The following NADK2 variants were observed in gnomAD, a reference collection of about 807,000 sequenced individuals.
The protein encoded by NADK2 is NAD kinase 2, mitochondrial, also known as NAD kinase domain-containing protein 1, mitochondrial.
In NADK2, 35 loss-of-function variants were observed where a neutral mutation model predicts 62.1. The ratio of observed to expected loss-of-function variants is 0.56; its 90% confidence interval spans 0.43 to 0.75. The LOEUF (loss-of-function observed/expected upper bound fraction) is 0.75. Among genes scored for constraint, NADK2 ranks in the 30% least tolerant of loss-of-function variants. The probability of loss-of-function intolerance (pLI) is 0.00; values close to 1 mark genes in which losing one functional copy is unlikely to be tolerated. For synonymous variants in NADK2, 205 were observed against 207.9 expected (o/e 0.99, Z 0.12); for missense variants, 439 against 561.3 (o/e 0.78, Z 2.20).
At chr5:36,211,991 T>C in intron 6 of NADK2, 69 bp from the exon 7 acceptor site, 1 of 1,118,920 alleles carries the variant, frequency 8.9e-7, no homozygotes, top group Non-Finnish European at 1.3e-6. Flanking sequence ...ATAAAAATTT[T>C]ATAAAACACT....
intron 4 of NADK2, among the ~76,000 whole-genome samples, chr5:36,224,449 C>G (rs1747399605): frequency 1.3e-5 from 2 of 150,996 alleles, no homozygotes; most frequent in Admixed American, 6.6e-5. Flanking sequence ...CCCAGCCACT[C>G]AGGAGGCTGA....
chr5:36,195,081 G>GTA lies in NADK2; in HGVS notation c.*61_*62dup. ...ACCAAAAAATGTCACTTTACGACTG[G>GTA]TAGTCTGTTTCTGAAGTAAAAATAT... On this transcript the variant is annotated 3_prime_UTR_variant, in exon 12 of 12. Transcript: ENST00000381937. 1 of 1,541,200 alleles carries GTA rather than the reference G, an allele frequency of 6.5e-7. No homozygotes were observed. Among genetic ancestry groups the GTA allele is most frequent in the Non-Finnish European group, 8.7e-7 (1 of 1,143,332 alleles).
chr5:36,236,494 C>T (rs1747912596), intron 1 of NADK2, among the ~76,000 whole-genome samples: 1 of 152,116 alleles, frequency 6.6e-6, no homozygotes, highest in South Asian at 2.1e-4. Context: ...TCAAAGAATC[C>T]AAAGCTTAAG....
intron 2 of NADK2, 65 bp from the exon 3 acceptor site, chr5:36,226,628 TTC>T: frequency 1.8e-6 from 2 of 1,115,256 alleles, no homozygotes; most frequent in East Asian, 4.7e-5. Flanking sequence ...GGGGTATGTT[TTC>T]TGAGAGGCAG....
intron 8 of NADK2, among the ~76,000 whole-genome samples, chr5:36,201,425 A>G (rs935331438): frequency 6.6e-6 from 1 of 152,006 alleles, no homozygotes; most frequent in Non-Finnish European, 1.5e-5. Context: ...CAATCTAGTA[A>G]TTTAACCTAA....
chr5:36,227,741 A>T (rs911727279), intron 1 of NADK2, among the ~76,000 whole-genome samples, 176 bp from the exon 2 acceptor site: 1 of 152,144 alleles, frequency 6.6e-6, no homozygotes, highest in African/African-American at 2.4e-5. Flanking sequence ...AGAAAATTAT[A>T]ATTTGGCTTT....
intron 5 of NADK2, among the ~76,000 whole-genome samples, chr5:36,218,808 A>C (rs1561066927): frequency 6.6e-6 from 1 of 152,218 alleles, no homozygotes; most frequent in Non-Finnish European, 1.5e-5. Flanking sequence ...ACTGCTTAAG[A>C]AATACTTTTA....
At chr5:36,239,913 T>G (rs1283598588) in intron 1 of NADK2, among the ~76,000 whole-genome samples, 3 of 152,238 alleles carry the variant, frequency 2.0e-5, no homozygotes, top group African/African-American at 7.2e-5. Context: ...GGCCTAGAAC[T>G]GAGCTCTTCA....
At chr5:36,242,191 C>T (rs1748171059), upstream of NADK2, 1 of 152,604 alleles carries the variant, frequency 6.6e-6, no homozygotes, top group Non-Finnish European at 1.5e-5. Context: ...CTAACTCTAT[C>T]GGCCAATCAG....
At chr5:36,209,343 TTCC>T (rs1295655460) in intron 7 of NADK2, among the ~76,000 whole-genome samples, 1 of 152,160 alleles carries the variant, frequency 6.6e-6, no homozygotes, top group African/African-American at 2.4e-5. Context: ...GATCCAAGTT[TTCC>T]TCCATTTATA....
chr5:36,200,897 T>C lies in NADK2; in HGVS notation c.1012+209A>G, dbSNP rs74649001. Among the ~76,000 whole-genome samples the C allele has an allele frequency of 0.012, 1,850 of 152,144 alleles. 158 individuals carry two copies. The East Asian group carries it at 0.21, about 18-fold the overall frequency. ...TCCTTTACATGAACAGGTGAAAGTT[T>C]TCAAAGAAAAAGGTCATATGCTGAG... On this transcript the variant is annotated intron_variant, in intron 9 of 11. Coordinates refer to ENST00000381937, the MANE Select transcript of NADK2 (RefSeq NM_001085411.3).
At chr5:36,235,012 G>C (rs775229296) in intron 1 of NADK2, among the ~76,000 whole-genome samples, 1 of 152,134 alleles carries the variant, frequency 6.6e-6, no homozygotes, top group South Asian at 2.1e-4. Context: ...GATCCAGCAG[G>C]ATGCCTAGCA....
At chr5:36,234,785 A>C (rs1411156829) in intron 1 of NADK2, among the ~76,000 whole-genome samples, 1 of 152,228 alleles carries the variant, frequency 6.6e-6, no homozygotes, top group Non-Finnish European at 1.5e-5. Context: ...TATGTTTGAA[A>C]TATCTCATAA....
chr5:36,242,015 C>T (rs1261138915), upstream of NADK2: 1 of 254,274 alleles, frequency 3.9e-6, no homozygotes, highest in Non-Finnish European at 7.3e-6. Context: ...CGGGAGACCC[C>T]ACGCGGGAGA....
chr5:36,200,315 T>G (rs746641137), intron 9 of NADK2, 35 bp from the exon 10 acceptor site: 7 of 1,408,908 alleles, frequency 5.0e-6, no homozygotes, highest in Non-Finnish European at 6.8e-6. Context: ...ATGTATGTTA[T>G]AAATATATAT....
chr5:36,225,651 C>T, intron 3 of NADK2, 28 bp from the exon 4 acceptor site: 2 of 1,590,674 alleles, frequency 1.3e-6, no homozygotes, highest in African/African-American at 1.4e-5. Context: ...AAATACAAGA[C>T]ATAACCAAAT....
At chr5:36,208,713 A>T (rs1233495489) in intron 7 of NADK2, 2 of 1,455,318 alleles carry the variant, frequency 1.4e-6, no homozygotes, top group East Asian at 4.9e-5. Context: ...AAATAGGAGA[A>T]AAGAAAACAA....
At chr5:36,209,615 TCTCTC>T (rs1746765080) in intron 7 of NADK2, among the ~76,000 whole-genome samples, 1 of 152,138 alleles carries the variant, frequency 6.6e-6, no homozygotes, top group Non-Finnish European at 1.5e-5. Context: ...TTTTCTTTCT[TCTCTC>T]AACTACCACA....
Position 36,213,916 on chromosome 5 carries a change from G to A in NADK2, c.782-1994C>T, listed in dbSNP as rs1188319654. On this transcript the variant is annotated intron_variant, in intron 6 of 11. Transcript: ENST00000381937. ...CTGTAACCATGTTTCCCTTTTATGC[G>A]GTCTTGACTTTCCACCTCTATTCCC... is the stretch of plus-strand genomic sequence containing the variant. 2.6e-5 allele frequency among the ~76,000 whole-genome samples: 4 copies of A among 151,598 alleles called. No individual in the cohort carries two copies. In the South Asian group the frequency reaches 6.3e-4, roughly 24 times the overall value.
Sources: allele counts gnomAD v4.1 joint callset (sites outside exome capture counted in the v4.1 genomes callset), GRCh38; gene constraint gnomAD v4.1.1; transcripts MANE v1.5; gene names NCBI Gene and HGNC (gene_info 2026-07-23, HGNC 2026-07-21).